Variants in WARS2 observed in about 807,000 individuals in gnomAD.
WARS2 encodes the protein tryptophan--tRNA ligase, mitochondrial.
In WARS2, 28 loss-of-function variants were observed where a neutral mutation model predicts 36.5. The observed-to-expected ratio is 0.77, with a 90% confidence interval of 0.57 to 1.05. The LOEUF (loss-of-function observed/expected upper bound fraction) is 1.05. WARS2 is among the 50% of genes least tolerant of loss of function. The pLI, the probability that WARS2 is intolerant of heterozygous loss-of-function variation, is 0.00. For missense variants in WARS2, 435 were observed against 456.8 expected (o/e 0.95, Z 0.44); for synonymous variants, 174 against 178.4 (o/e 0.98, Z 0.20).
chr1:119,098,423 T>C (rs187577459), intron 1 of WARS2, among the ~76,000 whole-genome samples: 6 of 152,272 alleles, frequency 3.9e-5, no homozygotes, highest in Admixed American at 2.0e-4. Flanking sequence ...AATTTCCTGA[T>C]ATTTATTTTA....
intron 1 of WARS2, among the ~76,000 whole-genome samples, chr1:119,101,065 TG>T (rs1653821746): frequency 6.6e-6 from 1 of 151,956 alleles, no homozygotes; most frequent in East Asian, 1.9e-4. Flanking sequence ...GGGATGAGTG[TG>T]GGTGAGAGGG....
intron 4 of WARS2, among the ~76,000 whole-genome samples, chr1:119,041,758 C>T (rs1043875483): frequency 1.3e-5 from 2 of 152,096 alleles, no homozygotes; most frequent in Admixed American, 1.3e-4. Context: ...ATGTAAAATG[C>T]TTGAAGTTTA....
At chr1:119,125,020 G>T (rs1276632179) in intron 1 of WARS2, among the ~76,000 whole-genome samples, 1 of 152,142 alleles carries the variant, frequency 6.6e-6, no homozygotes, top group Non-Finnish European at 1.5e-5. Context: ...CTGTCTTATA[G>T]GGCTGTTACA....
chr1:119,054,775 T>G (rs2101171057), intron 2 of WARS2, among the ~76,000 whole-genome samples: 1 of 152,306 alleles, frequency 6.6e-6, no homozygotes, highest in South Asian at 2.1e-4. Context: ...GAGGACATTA[T>G]ACTAAATGAA....
At chr1:119,091,175 C>T (rs1653017307) in intron 1 of WARS2, among the ~76,000 whole-genome samples, 2 of 152,136 alleles carry the variant, frequency 1.3e-5, no homozygotes, top group South Asian at 4.1e-4. Flanking sequence ...CTCCTAGCGC[C>T]TTTTGCAAAT....
In WARS2 at chr1:119,126,479, A is replaced by ATTT. The variant is rs35511707; in HGVS notation, c.90+14073_90+14075dup. The ATTT allele has an allele frequency of 1.0e-4, 34 of 341,350 alleles. No individual in the cohort carries two copies. In the East Asian group the frequency reaches 1.6e-3, roughly 16 times the overall value. 21.1% of individuals were successfully genotyped at this position (341,350 alleles called of 1,614,324 possible). ...ATGGTAACACTCTGAGGTAGATACTATTTTTTTTTTTTTTTTCACAAATAG... is the reference window on the plus strand; with the variant it reads ...ATGGTAACACTCTGAGGTAGATACTATTTTTTTTTTTTTTTTTTTCACAAATAG... On this transcript the variant is annotated intron_variant, in intron 1 of 5. Coordinates refer to ENST00000235521, the MANE Select transcript of WARS2 (RefSeq NM_015836.4).
At chr1:119,138,481 G>A (rs587677334) in intron 1 of WARS2, among the ~76,000 whole-genome samples, 1 of 152,202 alleles carries the variant, frequency 6.6e-6, no homozygotes, top group South Asian at 2.1e-4. Flanking sequence ...ATTTAGACAT[G>A]TGAAAAATAT....
chr1:119,082,304 T>C (rs1389924234), intron 1 of WARS2: 2 of 985,194 alleles, frequency 2.0e-6, no homozygotes, highest in Non-Finnish European at 2.4e-6. Context: ...ATTTCAAGAG[T>C]TACACATCTA....
intron 1 of WARS2, among the ~76,000 whole-genome samples, chr1:119,101,344 A>G (rs1553246174): frequency 6.6e-6 from 1 of 152,126 alleles, no homozygotes; most frequent in Non-Finnish European, 1.5e-5. Flanking sequence ...AAAACAATAT[A>G]AGAGTCATGT....
chr1:119,129,418 C>T (rs1023175858), intron 1 of WARS2, among the ~76,000 whole-genome samples: 13 of 152,170 alleles, frequency 8.5e-5, no homozygotes, highest in African/African-American at 2.9e-4. Context: ...CAATCAAACC[C>T]GTCCTCTTGG....
intron 1 of WARS2, among the ~76,000 whole-genome samples, chr1:119,095,050 G>T (rs1489495265): frequency 6.6e-6 from 1 of 152,050 alleles, no homozygotes; most frequent in Non-Finnish European, 1.5e-5. Context: ...ATTTTCTTTT[G>T]GAGGTTTTTT....
intron 1 of WARS2, chr1:119,127,088 T>C: frequency 1.3e-6 from 1 of 751,882 alleles, no homozygotes; most frequent in Non-Finnish European, 2.4e-6. Flanking sequence ...TAAGACTCAC[T>C]TCAAGCACAC....
intron 1 of WARS2, among the ~76,000 whole-genome samples, chr1:119,132,892 C>G (rs779323615): frequency 6.6e-6 from 1 of 152,160 alleles, no homozygotes; most frequent in Non-Finnish European, 1.5e-5. Context: ...CTTTCAGAAT[C>G]AAATTCTTCC....
At chr1:119,115,584 C>T (rs911688072) in intron 1 of WARS2, among the ~76,000 whole-genome samples, 4 of 152,162 alleles carry the variant, frequency 2.6e-5, no homozygotes, top group African/African-American at 4.8e-5. Context: ...AGTTTCAGGG[C>T]TAACCTTAAT....
intron 1 of WARS2, among the ~76,000 whole-genome samples, chr1:119,125,018 T>C (rs1054912407): frequency 2.6e-5 from 4 of 152,230 alleles, no homozygotes; most frequent in African/African-American, 4.8e-5. Context: ...TACTGTCTTA[T>C]AGGGCTGTTA....
At chr1:119,098,010 G>A (rs1271320101) in intron 1 of WARS2, among the ~76,000 whole-genome samples, 1 of 152,120 alleles carries the variant, frequency 6.6e-6, no homozygotes, top group African/African-American at 2.4e-5. Flanking sequence ...CAGCACTTTG[G>A]GAGGCTGAGG....
intron 1 of WARS2, among the ~76,000 whole-genome samples, chr1:119,114,841 T>C (rs1315301886): frequency 6.6e-6 from 1 of 152,186 alleles, no homozygotes; most frequent in Non-Finnish European, 1.5e-5. Context: ...ACAGCGTAGA[T>C]GGCTTCCAGC....
At chr1:119,075,795 T>A (rs1182666543) in intron 2 of WARS2, among the ~76,000 whole-genome samples, 13 of 152,238 alleles carry the variant, frequency 8.5e-5, no homozygotes, top group African/African-American at 3.1e-4. Context: ...TCAAATATTT[T>A]GGCTTTACTA....
At chr1:119,040,200 T>A (rs1241512541) in intron 4 of WARS2, among the ~76,000 whole-genome samples, 1 of 152,238 alleles carries the variant, frequency 6.6e-6, no homozygotes, top group Admixed American at 6.5e-5. Context: ...AGACCCATAG[T>A]CTTGCCCAGA....
Sources: gnomAD v4.1 joint callset for allele counts (sites outside exome capture counted in the v4.1 genomes callset) on GRCh38, gnomAD v4.1.1 for gene constraint, MANE v1.5 for transcripts, NCBI Gene and HGNC (gene_info 2026-07-23, HGNC 2026-07-21) for gene names.